Variants in NRG3 observed in about 807,000 individuals in gnomAD.
NRG3 encodes neuregulin 3, also known as pro-neuregulin-3, membrane-bound isoform.
NRG3 carries 31 observed loss-of-function variants against 66.9 expected under a neutral mutation model. That is an observed-to-expected ratio of 0.46 (90% CI 0.35 to 0.63). The LOEUF (loss-of-function observed/expected upper bound fraction) is 0.63, where lower values mean the gene tolerates loss of function less well. Among genes scored for constraint, NRG3 ranks in the 20% least tolerant of loss-of-function variants. NRG3 has a pLI of 0.00. For synonymous variants in NRG3, 393 were observed against 359.4 expected, an observed-to-expected ratio of 1.09 and a Z score of -1.06; for missense variants, 910 against 878.9, an observed-to-expected ratio of 1.04 and a Z score of -0.45.
At chr10:82,909,880 A>C (rs1169327327) in intron 4 of NRG3, among the ~76,000 whole-genome samples, 1 of 152,236 alleles carries the variant, frequency 6.6e-6, no homozygotes, top group East Asian at 1.9e-4. Flanking sequence ...ACCATCTTAC[A>C]GAAGTGTATG....
At chr10:82,839,908 G>T (rs538864224) in intron 3 of NRG3, among the ~76,000 whole-genome samples, 2 of 151,990 alleles carry the variant, frequency 1.3e-5, no homozygotes, top group Non-Finnish European at 2.9e-5. Context: ...AATATCCCAA[G>T]AATGTACAGA....
intron 4 of NRG3, among the ~76,000 whole-genome samples, chr10:82,900,794 G>A (rs1844145921): frequency 6.6e-6 from 1 of 152,070 alleles, no homozygotes; most frequent in African/African-American, 2.4e-5. Flanking sequence ...CATCCTAAAG[G>A]CTAAAGCCTT....
intron 1 of NRG3, among the ~76,000 whole-genome samples, chr10:81,929,219 A>G (rs1847104832): frequency 6.6e-6 from 1 of 152,068 alleles, no homozygotes; most frequent in Non-Finnish European, 1.5e-5. Context: ...AACCTAATAA[A>G]TATTTAATTT....
chr10:82,836,835 G>T (rs1180478092), intron 3 of NRG3, among the ~76,000 whole-genome samples: 1 of 151,742 alleles, frequency 6.6e-6, no homozygotes, highest in East Asian at 1.9e-4. Flanking sequence ...TTGGTGTGCA[G>T]CACCCATTAA....
At chr10:82,086,199 A>G (rs1276354703) in intron 1 of NRG3, among the ~76,000 whole-genome samples, 1 of 152,148 alleles carries the variant, frequency 6.6e-6, no homozygotes, top group East Asian at 1.9e-4. Context: ...TTGGAGTCTC[A>G]GGAGAAAGAA....
At chr10:82,790,175 T>G (rs1005179994) in intron 3 of NRG3, among the ~76,000 whole-genome samples, 3 of 152,140 alleles carry the variant, frequency 2.0e-5, no homozygotes, top group South Asian at 4.1e-4. Flanking sequence ...TGTAGTTATC[T>G]TTATGGGTAC....
chr10:81,950,081 T>C (rs978373866), intron 1 of NRG3, among the ~76,000 whole-genome samples: 7 of 152,220 alleles, frequency 4.6e-5, no homozygotes, highest in African/African-American at 1.7e-4. Flanking sequence ...GAGGTTCCAA[T>C]GTGCCAAGTT....
chr10:82,324,833 A>G (rs911178959), intron 1 of NRG3, among the ~76,000 whole-genome samples: 2 of 152,200 alleles, frequency 1.3e-5, no homozygotes, highest in South Asian at 4.1e-4. Flanking sequence ...CCCGAATATG[A>G]TCTATCCTAG....
At chr10:82,479,911 T>C (rs1407954382) in intron 2 of NRG3, among the ~76,000 whole-genome samples, 1 of 152,112 alleles carries the variant, frequency 6.6e-6, no homozygotes, top group Non-Finnish European at 1.5e-5. Flanking sequence ...GAGTTTGCAG[T>C]GAGCCGAGAT....
intron 2 of NRG3, among the ~76,000 whole-genome samples, chr10:82,429,355 G>T (rs1213427720): frequency 6.6e-6 from 1 of 151,798 alleles, no homozygotes; most frequent in Non-Finnish European, 1.5e-5. Flanking sequence ...TTTTATTTAG[G>T]TTGTAATTTT....
chr10:82,214,794 AT>A (rs1210088676), intron 1 of NRG3, among the ~76,000 whole-genome samples: 1 of 152,050 alleles, frequency 6.6e-6, no homozygotes, highest in Non-Finnish European at 1.5e-5. Context: ...GTAGGTTTGT[AT>A]TTGTTTTTAT....
chr10:82,247,845 G>C (rs1045872320), intron 1 of NRG3, among the ~76,000 whole-genome samples: 2 of 151,964 alleles, frequency 1.3e-5, no homozygotes, highest in African/African-American at 4.8e-5. Context: ...TAATCAAAAC[G>C]TGTTTTCTCT....
intron 1 of NRG3, among the ~76,000 whole-genome samples, chr10:81,924,380 C>T (rs1466207839): frequency 6.6e-6 from 1 of 152,230 alleles, no homozygotes; most frequent in Non-Finnish European, 1.5e-5. Flanking sequence ...TTTAGAAAGA[C>T]AGTTGTCTGA....
At chr10:82,105,746 G>T (rs928360620) in intron 1 of NRG3, among the ~76,000 whole-genome samples, 7 of 152,056 alleles carry the variant, frequency 4.6e-5, no homozygotes, top group African/African-American at 1.7e-4. Flanking sequence ...ATGTCAATAT[G>T]AAAATAGACA....
At chr10:81,911,558 C>T (rs1845149555) in intron 1 of NRG3, among the ~76,000 whole-genome samples, 1 of 147,314 alleles carries the variant, frequency 6.8e-6, no homozygotes, top group South Asian at 2.2e-4. Context: ...TGCTGTTTGA[C>T]TGGAGTGTGG....
chr10:81,999,205 A>G (rs780736954), intron 1 of NRG3, among the ~76,000 whole-genome samples: 3 of 152,240 alleles, frequency 2.0e-5, no homozygotes, highest in Non-Finnish European at 4.4e-5. Flanking sequence ...GAAAGGTAAA[A>G]CATGTGCTTT....
chr10:82,034,353 G>A (rs1160919123), intron 1 of NRG3, among the ~76,000 whole-genome samples: 1 of 152,068 alleles, frequency 6.6e-6, no homozygotes, highest in Non-Finnish European at 1.5e-5. Context: ...GCACCTGTAT[G>A]TTCAAAACAG....
At chr10:82,607,137 C>G (rs1365343067) in intron 2 of NRG3, among the ~76,000 whole-genome samples, 1 of 152,166 alleles carries the variant, frequency 6.6e-6, no homozygotes, top group African/African-American at 2.4e-5. Flanking sequence ...ATCTGGAGGT[C>G]CTGTAACACT....
intron 2 of NRG3, among the ~76,000 whole-genome samples, chr10:82,391,568 A>T: frequency 6.6e-6 from 1 of 152,098 alleles, no homozygotes; most frequent in East Asian, 1.9e-4. Flanking sequence ...CACATAAAAT[A>T]AAAGCTCTTT....
Sources: allele counts gnomAD v4.1 joint callset (sites outside exome capture counted in the v4.1 genomes callset), GRCh38; gene constraint gnomAD v4.1.1; transcripts MANE v1.5; gene names NCBI Gene and HGNC (gene_info 2026-07-23, HGNC 2026-07-21).